The following CFAP54 variants were observed in gnomAD, a reference collection of about 807,000 sequenced individuals.
CFAP54 encodes cilia- and flagella-associated protein 54.
Under a neutral mutation model 370.4 loss-of-function variants are expected in CFAP54, and 290 were observed. That is an observed-to-expected ratio of 0.78 (90% CI 0.71 to 0.86). The LOEUF (loss-of-function observed/expected upper bound fraction) is 0.86. CFAP54 is among the 40% of genes least tolerant of loss of function. The probability of loss-of-function intolerance (pLI) is 0.00; values close to 1 mark genes in which losing one functional copy is unlikely to be tolerated. For missense variants in CFAP54, 3,399 were observed against 3,528.7 expected (o/e 0.96, Z 0.93); for synonymous variants, 1,206 against 1,236.5 (o/e 0.98, Z 0.52).
intron 60 of CFAP54, among the ~76,000 whole-genome samples, chr12:96,765,465 C>A (rs1958393350): frequency 6.6e-6 from 1 of 152,136 alleles, no homozygotes; most frequent in African/African-American, 2.4e-5. Context: ...TGATATTTTA[C>A]ATCTGTTTCT....
At chr12:96,648,580 C>CTTTTTTTTTTTTTTTTTTTTTTT (rs11303164) in intron 34 of CFAP54, among the ~76,000 whole-genome samples, 1 of 58,666 alleles carries the variant, frequency 1.7e-5, no homozygotes, top group Non-Finnish European at 3.0e-5. Context: ...AAACAGGGTT[C>CTTTTTTTTTTTTTTTTTTTTTTT]TTTTTTTTTT....
chr12:96,733,697 A>G (rs74763556), intron 50 of CFAP54, among the ~76,000 whole-genome samples: 2,371 of 152,286 alleles, frequency 0.016, 75 homozygotes, highest in African/African-American at 0.055. Context: ...TAATCCTCAC[A>G]TACTTTCTAT....
At chr12:96,615,723 A>G (rs1956409001) in intron 26 of CFAP54, among the ~76,000 whole-genome samples, 1 of 152,270 alleles carries the variant, frequency 6.6e-6, no homozygotes, top group Non-Finnish European at 1.5e-5. Flanking sequence ...GACACTTCTC[A>G]AAAGAAGACA....
chr12:96,654,403 A>C (rs1372601475), intron 36 of CFAP54, among the ~76,000 whole-genome samples: 2 of 151,052 alleles, frequency 1.3e-5, no homozygotes, highest in Non-Finnish European at 1.5e-5. Context: ...TGGGAGGCTG[A>C]GGCAGGAGAA....
Position 96,518,871 on chromosome 12 carries a change from A to G in CFAP54, c.799-57A>G, listed in dbSNP as rs540260042. On this transcript the variant is annotated intron_variant, in intron 5 of 67. Transcript: ENST00000524981. ...CTTAGAATTTGATTATATTTAATAC[A>G]ATTATCATTATTAACTTCAAATGAA... The G allele has an allele frequency of 2.8e-6, 4 of 1,429,826 alleles. No individual in the cohort carries two copies. The South Asian group carries it at 5.8e-5, about 21-fold the overall frequency. The allele number at this position is 1,429,826 out of a possible 1,614,324, so 88.6% of individuals were successfully genotyped here. A position where few individuals can be genotyped will look rare whatever the true frequency, so the allele number is the denominator to read the frequency against.
At chr12:96,579,222 G>C (rs189402672) in intron 20 of CFAP54, among the ~76,000 whole-genome samples, 1 of 151,098 alleles carries the variant, frequency 6.6e-6, no homozygotes, top group Admixed American at 6.6e-5. Context: ...TCCAGCTTCA[G>C]GTTCCTTCTG....
chr12:96,554,960 T>A, intron 17 of CFAP54, 158 bp downstream of exon 17: 1 of 598,160 alleles, frequency 1.7e-6, no homozygotes, highest in South Asian at 4.9e-5. Flanking sequence ...AAAAACATAA[T>A]TAAATCTTTC....
intron 44 of CFAP54, among the ~76,000 whole-genome samples, 172 bp downstream of exon 44, chr12:96,691,482 C>G (rs1028185125): frequency 6.6e-6 from 1 of 152,102 alleles, no homozygotes; most frequent in Non-Finnish European, 1.5e-5. Flanking sequence ...AATTAATATT[C>G]TTTCTTTGCA....
rs1956544100 is a variant in CFAP54, at chr12:96,625,807, G to A, written c.3976G>A (p.Val1326Ile). 3 of 1,532,404 alleles carry A rather than the reference G, an allele frequency of 2.0e-6. No homozygotes were observed. Among genetic ancestry groups the A allele is most frequent in the Non-Finnish European group, 2.6e-6 (3 of 1,143,644 alleles). 94.9% of individuals were successfully genotyped at this position (1,532,404 alleles called of 1,614,324 possible). A position where few individuals can be genotyped will look rare whatever the true frequency, so the allele number is the denominator to read the frequency against. ...NWSVKGAVKE[V>I]MKFKQKPRFL... ...GTCGGTCAAAGGTGCCGTGAAAGAA[G>A]GTAGGTGAACTGGATGTGTATATGC... Residue 1326 changes from valine to isoleucine, a missense_variant and splice_region_variant, in exon 29 of 68, where the codon GTT (valine) becomes ATT (isoleucine). Around this residue, in one of 3 missense-constraint regions of CFAP54, gnomAD observed 2,796 missense variants for 2,869.7 expected, o/e 0.97. Transcript: ENST00000524981.
intron 66 of CFAP54, among the ~76,000 whole-genome samples, chr12:96,844,691 G>A (rs1470986573): frequency 6.6e-6 from 1 of 152,160 alleles, no homozygotes; most frequent in Non-Finnish European, 1.5e-5. Flanking sequence ...GTGAGAAACT[G>A]AGGCCTGAAG....
intron 15 of CFAP54, among the ~76,000 whole-genome samples, chr12:96,549,579 A>G (rs750939253): frequency 1.5e-4 from 23 of 152,206 alleles, no homozygotes; most frequent in Non-Finnish European, 2.2e-4. Context: ...ATGGTTGAAG[A>G]GCATAGCATT....
At chr12:96,690,777 T>C (rs1429979020) in intron 43 of CFAP54, among the ~76,000 whole-genome samples, 1 of 152,180 alleles carries the variant, frequency 6.6e-6, no homozygotes. Context: ...TAATAATCCT[T>C]CTAAGAGCAG....
intron 39 of CFAP54, among the ~76,000 whole-genome samples, chr12:96,678,444 G>T (rs1957235465): frequency 6.6e-6 from 1 of 152,064 alleles, no homozygotes; most frequent in Non-Finnish European, 1.5e-5. Flanking sequence ...TAGAGACGGG[G>T]TTTCACCGTG....
chr12:96,691,023 C>A, intron 43 of CFAP54, 105 bp from the exon 44 acceptor site: 1 of 894,326 alleles, frequency 1.1e-6, no homozygotes, highest in Non-Finnish European at 1.7e-6. Context: ...GTGTGCTAGG[C>A]ATATACTAAG....
At chr12:96,655,187 A>G (rs1189857987) in intron 36 of CFAP54, among the ~76,000 whole-genome samples, 2 of 151,286 alleles carry the variant, frequency 1.3e-5, no homozygotes, top group African/African-American at 4.9e-5. Context: ...ACCCATATAT[A>G]TGGTTTTTTT....
intron 61 of CFAP54, among the ~76,000 whole-genome samples, chr12:96,785,821 A>G (rs1228046958): frequency 6.6e-6 from 1 of 152,194 alleles, no homozygotes; most frequent in Admixed American, 6.5e-5. Flanking sequence ...GGGTTTCCGC[A>G]GACACAGGAG....
chr12:96,589,324 C>T, intron 22 of CFAP54, 103 bp from the exon 23 acceptor site: 2 of 926,864 alleles, frequency 2.2e-6, no homozygotes, highest in South Asian at 3.5e-5. Flanking sequence ...CGTGTGATAG[C>T]ACCTTATAAA....
At chr12:96,805,301 C>T (rs769141552) in intron 63 of CFAP54, among the ~76,000 whole-genome samples, 2 of 151,846 alleles carry the variant, frequency 1.3e-5, no homozygotes, top group African/African-American at 4.8e-5. Context: ...AGTAAACACA[C>T]AACTTGCAGA....
intron 62 of CFAP54, among the ~76,000 whole-genome samples, 180 bp from the exon 63 acceptor site, chr12:96,792,149 C>A (rs1345964372): frequency 6.6e-6 from 1 of 152,148 alleles, no homozygotes; most frequent in Non-Finnish European, 1.5e-5. Flanking sequence ...CGCGCCTGGC[C>A]AGCATATTTT....
Sources: gnomAD v4.1 joint callset for allele counts (sites outside exome capture counted in the v4.1 genomes callset) on GRCh38, gnomAD v4.1.1 for gene constraint, gnomAD v4.1.1 regional missense constraint, MANE v1.5 for transcripts, NCBI Gene and HGNC (gene_info 2026-07-23, HGNC 2026-07-21) for gene names.